COL5A3: variants seen among roughly 807,000 people sequenced by gnomAD.
The protein encoded by COL5A3 is collagen type V alpha 3 chain, also known as collagen alpha-3(V) chain.
In COL5A3, 172 loss-of-function variants were observed where a neutral mutation model predicts 250.0. The observed-to-expected ratio is 0.69, with a 90% CI of 0.61 to 0.78. COL5A3 has a LOEUF of 0.78. Among genes scored for constraint, COL5A3 ranks in the 30% least tolerant of loss-of-function variants. The pLI is 0.00. For missense variants in COL5A3, 2,340 were observed against 2,334.4 expected, an observed-to-expected ratio of 1.00 and a Z score of -0.05; for synonymous variants, 937 against 900.4, an observed-to-expected ratio of 1.04 and a Z score of -0.73.
intron 1 of COL5A3, among the ~76,000 whole-genome samples, chr19:10,007,440 TA>T (rs775122094): frequency 3.0e-4 from 45 of 152,228 alleles, no homozygotes; most frequent in Non-Finnish European, 6.0e-4. Context: ...CAACAGTTCC[TA>T]ATCTAGGCCA....
rs1165426524 is a variant in COL5A3 at position 9,986,754 on chromosome 19, G to C, written c.2150C>G (p.Thr717Ser). The change falls in exon 28 of 67, where the codon ACT becomes AGT. Residue 717 changes from threonine (T) to serine (S), a missense_variant. Around this residue, in one of 3 missense-constraint regions of COL5A3, gnomAD observed 1,152 missense variants for 1,146.3 expected, o/e 1.00. Transcript: ENST00000264828. Reference protein sequence around the residue: ...GYPGPRGVKGTSGNRGLQGEK... With the variant: ...GYPGPRGVKGSSGNRGLQGEK... ...CCCCTGGAGGCCCCGGTTGCCTGAA[G>C]TGCCCTGGAAAATAAAAAAAAAAAG... 5.0e-6 allele frequency: 8 copies of C among 1,594,378 alleles called. No individual in the cohort carries two copies. Among genetic ancestry groups the C allele is most frequent in the Non-Finnish European group, 6.0e-6 (7 of 1,176,244 alleles).
chr19:9,999,373 T>C (rs547786173), intron 8 of COL5A3, among the ~76,000 whole-genome samples: 2 of 150,990 alleles, frequency 1.3e-5, no homozygotes, highest in African/African-American at 4.9e-5. Flanking sequence ...TTTATTTTAT[T>C]TTTTTGTAGA....
chr19:10,001,468 A>G, intron 8 of COL5A3, 56 bp downstream of exon 8: 1 of 1,554,224 alleles, frequency 6.4e-7, no homozygotes, highest in East Asian at 2.3e-5. Context: ...ATTTTAAAAA[A>G]ATTTTAATAG....
intron 53 of COL5A3, 150 bp from the exon 54 acceptor site, chr19:9,970,825 A>G (rs2287816): frequency 0.044 from 45,370 of 1,041,172 alleles, 2,968 homozygotes; most frequent in African/African-American, 0.29. Flanking sequence ...CAAGCTGCTC[A>G]CATTCCTGGG....
chr19:9,988,994 C>A, intron 27 of COL5A3, 130 bp downstream of exon 27: 1 of 916,262 alleles, frequency 1.1e-6, no homozygotes, highest in Non-Finnish European at 1.8e-6. Flanking sequence ...GCTCCAAACC[C>A]CAGTCCCACT....
intron 4 of COL5A3, among the ~76,000 whole-genome samples, chr19:10,005,175 G>T (rs898720602): frequency 5.9e-5 from 9 of 152,102 alleles, no homozygotes; most frequent in African/African-American, 9.7e-5. Context: ...TGGCCAACGT[G>T]TCAAAACCTT....
Position 9,996,071 on chromosome 19 carries a change from G to A in COL5A3, c.1528C>T (p.Pro510Ser). 1 of 1,578,354 alleles carries A rather than the reference G, an allele frequency of 6.3e-7. No homozygotes were observed. The highest frequency in any genetic ancestry group is 1.7e-4 in the Middle Eastern group (1 of 5,874). Residue 510 changes from proline to serine, a missense_variant, in exon 15 of 67, where the codon CCA becomes TCA. Pro to Ser is a moderately conservative substitution (Grantham distance 74, BLOSUM62 -1). Around this residue, in one of 3 missense-constraint regions of COL5A3, gnomAD observed 1,152 missense variants for 1,146.3 expected, o/e 1.00. Coordinates refer to ENST00000264828, the MANE Select transcript of COL5A3 (RefSeq NM_015719.4). The part of the protein sequence containing the change: ...GLKGEEGAEG[P>S]QGPRGLQGPH... ...CCTATCTCCACAAGTCTCACCTGTG[G>A]CCCTTCTGCTCCCTCCTCTCCTTTC... is the stretch of plus-strand genomic sequence containing the variant.
intron 45 of COL5A3, among the ~76,000 whole-genome samples, chr19:9,976,002 T>G (rs115373705): frequency 6.6e-6 from 1 of 150,738 alleles, no homozygotes. Flanking sequence ...TGAGTTCATA[T>G]TGGGTGTCGG....
At chr19:9,978,478 C>G in intron 41 of COL5A3, 96 bp downstream of exon 41, 1 of 815,626 alleles carries the variant, frequency 1.2e-6, no homozygotes, top group South Asian at 1.5e-5. Context: ...CCTGCCTCAG[C>G]CTCCATCATG....
At position 9,986,598 on chromosome 19, in the gene COL5A3, G is replaced by T; in HGVS notation, c.2199C>A (p.Asp733Glu). Residue 733 changes from aspartate to glutamate, a missense_variant, in exon 29 of 67, where the codon GAC becomes GAA. Coordinates refer to ENST00000264828, the MANE Select transcript of COL5A3 (RefSeq NM_015719.4). ...CATCGCCCTTGAAGCCTGGGAAGCC[G>T]TCCTCTCCCTGGGTGGGAGAGACAG... ...LQGEKGEKGE[D>E]GFPGFKGDVG... is the part of the protein sequence containing the mutation. 6.2e-7 allele frequency: 1 copy of T among 1,613,730 alleles called. No homozygotes were observed. Among genetic ancestry groups the T allele is most frequent in the Non-Finnish European group, 8.5e-7 (1 of 1,179,932 alleles).
intron 13 of COL5A3, 55 bp downstream of exon 13, chr19:9,996,378 C>T (rs952309181): frequency 3.8e-6 from 6 of 1,590,286 alleles, no homozygotes; most frequent in Middle Eastern, 1.9e-4. Flanking sequence ...CTCCTTACGC[C>T]GAGGCTCTAT....
At chr19:9,979,921 G>A (rs755145588) in intron 36 of COL5A3, 29 bp from the exon 37 acceptor site, 49 of 1,571,478 alleles carry the variant, frequency 3.1e-5, no homozygotes, top group Non-Finnish European at 3.9e-5. Flanking sequence ...AAAAGTTGGG[G>A]CACAGATACA....
intron 31 of COL5A3, among the ~76,000 whole-genome samples, chr19:9,984,292 G>A (rs2087062900): frequency 6.6e-6 from 1 of 152,076 alleles, no homozygotes; most frequent in African/African-American, 2.4e-5. Flanking sequence ...CAAAGTGCTG[G>A]GATTACAGCC....
At chr19:9,974,142 C>G (rs1599538878) in intron 47 of COL5A3, 29 bp downstream of exon 47, 1 of 1,608,336 alleles carries the variant, frequency 6.2e-7, no homozygotes, top group East Asian at 2.2e-5. Context: ...ACCATCCTCC[C>G]CCTCCCACCT....
rs764472365 is a variant in COL5A3 at position 10,005,605 on chromosome 19, C to A, written c.547G>T (p.Gly183Ter). 6.2e-7 allele frequency: 1 copy of A among 1,614,124 alleles called. No individual in the cohort carries two copies. Among genetic ancestry groups the A allele is most frequent in the South Asian group, 1.1e-5 (1 of 91,084 alleles). Residue 183 changes from glycine (G) to a stop codon, truncating the protein, a stop_gained, in exon 4 of 67, where the codon GGA (glycine) becomes TGA (stop). Coordinates refer to ENST00000264828, the MANE Select transcript of COL5A3 (RefSeq NM_015719.4). LOFTEE classifies it high-confidence loss of function. ...GHGPRFISIA[G>*]LTVLGTQDLG... Reference sequence around the variant, plus strand: ...TCCTGGGTCCCCAGCACAGTGAGTCCAGCTATGCTGATGAAGCGGGGGCCA... The same window carrying A: ...TCCTGGGTCCCCAGCACAGTGAGTCAAGCTATGCTGATGAAGCGGGGGCCA...
chr19:10,005,729 C>G lies in COL5A3; in HGVS notation c.438-15G>C. 1.9e-6 allele frequency: 3 copies of G among 1,602,408 alleles called. No individual in the cohort carries two copies. The highest frequency in any genetic ancestry group is 2.6e-6 in the Non-Finnish European group (3 of 1,172,112). ...CACGGTGCCACCTGCAAGGGGACGG[C>G]CTCAGTGCGGGTGCTTCTCACCCCA... On this transcript the variant is annotated splice_polypyrimidine_tract_variant and intron_variant, in intron 3 of 66. Coordinates refer to ENST00000264828, the MANE Select transcript of COL5A3 (RefSeq NM_015719.4).
chr19:9,967,092 G>A (rs539880595), intron 62 of COL5A3, among the ~76,000 whole-genome samples: 2 of 152,248 alleles, frequency 1.3e-5, no homozygotes, highest in East Asian at 1.9e-4. Flanking sequence ...GACAGAGACA[G>A]GGAGGGAGAG....
rs754258209 is a variant in COL5A3, at chr19:9,991,706, G to A, written c.1948-52C>T. The A allele has an allele frequency of 1.9e-6, 3 of 1,604,344 alleles. No homozygotes were observed. In the African/African-American group the frequency reaches 4.0e-5, roughly 22 times the overall value. The stretch of plus-strand genomic sequence containing the variant: ...AAGGCATAAGAAAGAAGCGGTGAGT[G>A]TGGAGGTTGGGAAGCCTGGTCACGG... On this transcript the variant is annotated intron_variant, in intron 23 of 66. Coordinates refer to ENST00000264828, the MANE Select transcript of COL5A3 (RefSeq NM_015719.4).
rs2086802852 is a variant in COL5A3 at position 9,969,787 on chromosome 19, G to T, written c.3990+82C>A. On this transcript the variant is annotated intron_variant, in intron 55 of 66. Transcript: ENST00000264828. ...CGGGAGGGAGTAGGTGCACAGAGTGGTCATAGGTCCACCCTCTCCTGATGG... is the reference window on the plus strand; with the variant it reads ...CGGGAGGGAGTAGGTGCACAGAGTGTTCATAGGTCCACCCTCTCCTGATGG... 1.9e-6 allele frequency: 3 copies of T among 1,582,484 alleles called. No homozygotes were observed. In the Admixed American group the frequency reaches 5.0e-5, roughly 27 times the overall value.
Sources: gnomAD v4.1 joint callset for allele counts (sites outside exome capture counted in the v4.1 genomes callset) on GRCh38, gnomAD v4.1.1 for gene constraint, gnomAD v4.1.1 regional missense constraint, MANE v1.5 for transcripts, NCBI Gene and HGNC (gene_info 2026-07-23, HGNC 2026-07-21) for gene names.